Variants in RAPGEF5 observed in about 807,000 individuals in gnomAD.
RAPGEF5 encodes M-Ras-regulated GEF.
In RAPGEF5, 65 loss-of-function variants were observed where a neutral mutation model predicts 125.2. The ratio of observed to expected loss-of-function variants is 0.52; its 90% CI spans 0.43 to 0.64. RAPGEF5 has a LOEUF of 0.64. RAPGEF5 is among the 30% of genes least tolerant of loss of function. The probability of loss-of-function intolerance (pLI) is 0.00; values close to 1 mark genes in which losing one functional copy is unlikely to be tolerated. For missense variants in RAPGEF5, 958 were observed against 1,048.1 expected, an observed-to-expected ratio of 0.91 and a Z score of 1.19; for synonymous variants, 391 against 385.9, an observed-to-expected ratio of 1.01 and a Z score of -0.16.
chr7:22,267,362 C>A (rs1294088077), intron 6 of RAPGEF5, among the ~76,000 whole-genome samples: 1 of 151,770 alleles, frequency 6.6e-6, no homozygotes, highest in African/African-American at 2.4e-5. Flanking sequence ...ATACATGATA[C>A]CATAATAAAG....
At chr7:22,286,167 C>A (rs572220456) in intron 6 of RAPGEF5, among the ~76,000 whole-genome samples, 2 of 149,420 alleles carry the variant, frequency 1.3e-5, no homozygotes, top group African/African-American at 4.8e-5. Context: ...ACATAAATTC[C>A]CCCCCACCAC....
At chr7:22,238,262 C>A (rs1275049673) in intron 7 of RAPGEF5, among the ~76,000 whole-genome samples, 7 of 152,106 alleles carry the variant, frequency 4.6e-5, no homozygotes. Context: ...AGGTGAATAC[C>A]ATTTCTTGGA....
At chr7:22,272,318 G>A (rs572252280) in intron 6 of RAPGEF5, among the ~76,000 whole-genome samples, 103 of 145,316 alleles carry the variant, frequency 7.1e-4, no homozygotes, top group African/African-American at 2.5e-3. Context: ...ACTTCAGCCT[G>A]GGCAACAGAG....
chr7:22,286,574 C>T (rs17146555), intron 6 of RAPGEF5, among the ~76,000 whole-genome samples: 6,661 of 152,212 alleles, frequency 0.044, 172 homozygotes, highest in South Asian at 0.079. Flanking sequence ...TTTTTATCTC[C>T]TATTTAAGAA....
chr7:22,134,382 T>C (rs954954705), intron 23 of RAPGEF5, among the ~76,000 whole-genome samples: 11 of 152,238 alleles, frequency 7.2e-5, no homozygotes, highest in African/African-American at 2.7e-4. Context: ...CTTATTCTTT[T>C]GAAATGAGTA....
At chr7:22,304,593 G>C (rs528975060) in intron 5 of RAPGEF5, among the ~76,000 whole-genome samples, 1 of 152,166 alleles carries the variant, frequency 6.6e-6, no homozygotes, top group Non-Finnish European at 1.5e-5. Flanking sequence ...GTTAAATCAC[G>C]AGGACAGCTT....
At chr7:22,199,799 C>A in intron 9 of RAPGEF5, among the ~76,000 whole-genome samples, 1 of 152,166 alleles carries the variant, frequency 6.6e-6, no homozygotes, top group Non-Finnish European at 1.5e-5. Flanking sequence ...TCTAGAAAGG[C>A]GACTTTCCAC....
chr7:22,243,378 T>A (rs1246697430), intron 7 of RAPGEF5, among the ~76,000 whole-genome samples: 1 of 152,162 alleles, frequency 6.6e-6, no homozygotes, highest in Non-Finnish European at 1.5e-5. Flanking sequence ...CAAATCAGCC[T>A]CCCGAGTAGC....
chr7:22,228,133 T>A (rs146968658), intron 8 of RAPGEF5, among the ~76,000 whole-genome samples: 17 of 152,306 alleles, frequency 1.1e-4, no homozygotes, highest in African/African-American at 3.8e-4. Flanking sequence ...TTACTGTGTG[T>A]CAGGTGCTGT....
intron 9 of RAPGEF5, among the ~76,000 whole-genome samples, chr7:22,205,828 G>T (rs1785384396): frequency 6.6e-6 from 1 of 152,168 alleles, no homozygotes; most frequent in Non-Finnish European, 1.5e-5. Context: ...TCATTTTAAT[G>T]TCCTGATAAC....
intron 9 of RAPGEF5, among the ~76,000 whole-genome samples, chr7:22,201,055 A>G (rs576004246): frequency 6.6e-6 from 1 of 152,290 alleles, no homozygotes; most frequent in East Asian, 1.9e-4. Context: ...ACTGAGCAAA[A>G]ATGGTGAGAG....
At chr7:22,306,842 G>A (rs1001006042) in intron 5 of RAPGEF5, among the ~76,000 whole-genome samples, 1 of 152,156 alleles carries the variant, frequency 6.6e-6, no homozygotes. Context: ...TTGGCACCTT[G>A]TTGAAAACGA....
intron 7 of RAPGEF5, among the ~76,000 whole-genome samples, chr7:22,266,178 T>C (rs963752959): frequency 6.6e-6 from 1 of 152,188 alleles, no homozygotes; most frequent in Non-Finnish European, 1.5e-5. Context: ...TCAAGTTTGG[T>C]CATCACTTTG....
At chr7:22,225,538 G>A (rs973434437) in intron 8 of RAPGEF5, among the ~76,000 whole-genome samples, 5 of 152,132 alleles carry the variant, frequency 3.3e-5, no homozygotes, top group Non-Finnish European at 5.9e-5. Flanking sequence ...AGTGCTATGC[G>A]GAAGCATCAT....
chr7:22,127,717 A>G (rs1782792418), intron 24 of RAPGEF5, among the ~76,000 whole-genome samples: 1 of 152,256 alleles, frequency 6.6e-6, no homozygotes, highest in Non-Finnish European at 1.5e-5. Context: ...TCCCAACTAT[A>G]CACACTGAGC....
chr7:22,132,713 C>T (rs1408235103), intron 23 of RAPGEF5, among the ~76,000 whole-genome samples: 2 of 152,136 alleles, frequency 1.3e-5, no homozygotes, highest in African/African-American at 4.8e-5. Context: ...CAGGTTTATC[C>T]CTCACCTGCC....
chr7:22,284,567 T>G (rs1302396591), intron 6 of RAPGEF5, among the ~76,000 whole-genome samples: 1 of 152,178 alleles, frequency 6.6e-6, no homozygotes, highest in Non-Finnish European at 1.5e-5. Flanking sequence ...CTTAAGCCAC[T>G]GGAAGGACTG....
chr7:22,156,760 G>T, intron 16 of RAPGEF5, 50 bp downstream of exon 16: 1 of 1,609,372 alleles, frequency 6.2e-7, no homozygotes, highest in Non-Finnish European at 8.5e-7. Flanking sequence ...GGAGAAAAAT[G>T]GTGGCTAACT....
intron 24 of RAPGEF5, among the ~76,000 whole-genome samples, chr7:22,127,781 A>C (rs1444115885): frequency 6.6e-6 from 1 of 152,240 alleles, no homozygotes; most frequent in African/African-American, 2.4e-5. Context: ...AAAGAATATT[A>C]AACACTAAAA....
Sources: gnomAD v4.1 joint callset for allele counts (sites outside exome capture counted in the v4.1 genomes callset) on GRCh38, gnomAD v4.1.1 for gene constraint, MANE v1.5 for transcripts, NCBI Gene and HGNC (gene_info 2026-07-23, HGNC 2026-07-21) for gene names.